The following GRIN2C variants were observed in gnomAD, a reference collection of about 807,000 sequenced individuals.
GRIN2C encodes the protein glutamate receptor ionotropic, NMDA 2C.
GRIN2C carries 64 observed loss-of-function variants against 77.7 expected under a neutral mutation model. The observed-to-expected ratio is 0.82, with a 90% CI of 0.67 to 1.01. The LOEUF (loss-of-function observed/expected upper bound fraction) is 1.01, where lower values mean the gene tolerates loss of function less well. Ranked by LOEUF, GRIN2C falls within the 50% of genes least tolerant of loss-of-function variation. GRIN2C has a pLI of 0.00. For synonymous variants in GRIN2C, 792 were observed against 643.4 expected, an observed-to-expected ratio of 1.23 and a Z score of -3.49; for missense variants, 1,549 against 1,486.0, an observed-to-expected ratio of 1.04 and a Z score of -0.70.
In GRIN2C at chr17:74,842,386, A is replaced by T. The variant is rs1320968789; in HGVS notation, c.*49T>A. 3 of 739,542 alleles carry T rather than the reference A, an allele frequency of 4.1e-6. No individual in the cohort carries two copies. The South Asian group carries it at 4.3e-5, about 11-fold the overall frequency. The allele number at this position is 739,542 out of a possible 1,614,324, so 45.8% of individuals were successfully genotyped here. On this transcript the variant is annotated 3_prime_UTR_variant, in exon 13 of 13. Transcript: ENST00000293190. The stretch of plus-strand genomic sequence containing the variant: ...ATCCTGCCTGCCGCTTAACCCTGAC[A>T]GTGGCAGGCAGAGAATCCAGCTGGC...
rs2037562167 is a variant in GRIN2C, at chr17:74,849,441, T to C, written c.1645+339A>G. On this transcript the variant is annotated intron_variant, in intron 7 of 12. Transcript: ENST00000293190. This position sits in a 1 kb window ranked among gnomAD's most constrained non-coding sequence, Gnocchi z 4.6. ...CCTCTTCGCACACTACACTCGCTCC[T>C]CAACTCCCCACGGGCCTCCCCCACT... 6.6e-6 allele frequency among the ~76,000 whole-genome samples: 1 copy of C among 152,032 alleles called. No individual in the cohort carries two copies. The highest frequency in any genetic ancestry group is 1.5e-5 in the Non-Finnish European group (1 of 67,982).
rs907468077 is a variant in GRIN2C at position 74,846,649 on chromosome 17, C to T, written c.2162+111G>A. ...GCCCCAAGACCTCTTCCCTCCACCC[C>T]ACAGGAGTCCTGCAGGACAGCCCAG... is the stretch of plus-strand genomic sequence containing the variant. On this transcript the variant is annotated intron_variant, in intron 10 of 12. Transcript: ENST00000293190. This position sits in a 1 kb window ranked among gnomAD's most constrained non-coding sequence, Gnocchi z 4.4. The T allele has an allele frequency of 3.9e-5, 46 of 1,184,134 alleles. No individual in the cohort carries two copies. The highest frequency in any genetic ancestry group is 2.9e-5 in the Non-Finnish European group (24 of 839,032). 73.4% of individuals were successfully genotyped at this position (1,184,134 alleles called of 1,614,324 possible).
chr17:74,846,016 C>T lies in GRIN2C; in HGVS notation c.2350+50G>A. ...TGAGTGGTGGTGGAAATGCTGACAA[C>T]CTTGGGCTCCACAGCCCACCCTGGG... On this transcript the variant is annotated intron_variant, in intron 11 of 12. Coordinates refer to ENST00000293190, the MANE Select transcript of GRIN2C (RefSeq NM_000835.6). This position sits in a 1 kb window ranked among gnomAD's most constrained non-coding sequence, Gnocchi z 4.4. The T allele has an allele frequency of 6.5e-7, 1 of 1,535,724 alleles. No homozygotes were observed. The highest frequency in any genetic ancestry group is 1.1e-5 in the South Asian group (1 of 88,908).
intron 3 of GRIN2C, 37 bp downstream of exon 3, chr17:74,851,976 C>G: frequency 6.9e-7 from 1 of 1,444,450 alleles, no homozygotes; most frequent in African/African-American, 1.4e-5. Context: ...GAAGCGCTCC[C>G]CACCTCCCTA....
Position 74,852,061 on chromosome 17 carries a change from C to T in GRIN2C, c.950G>A (p.Cys317Tyr). ...GCTGACGGGCCCAGGGTGAACACGG[C>T]AGTCCCCGGCCGGGGCTGGCAGGGT... ...HGTLPAPAGDCRVHPGPVSPA... is the reference protein window; with the variant it reads ...HGTLPAPAGDYRVHPGPVSPA... The change falls in exon 3 of 13, where the codon TGC becomes TAC. Residue 317 changes from cysteine (C) to tyrosine (Y), a missense_variant. Physicochemically the swap from Cys to Tyr is radical, Grantham distance 194. Transcript: ENST00000293190. The T allele has an allele frequency of 6.9e-7, 1 of 1,459,732 alleles. No individual in the cohort carries two copies. The highest frequency in any genetic ancestry group is 9.0e-7 in the Non-Finnish European group (1 of 1,105,034). 90.4% of individuals were successfully genotyped at this position (1,459,732 alleles called of 1,614,324 possible). A position where few individuals can be genotyped will look rare whatever the true frequency, so the allele number is the denominator to read the frequency against.
In GRIN2C at chr17:74,849,050, A is replaced by G. The variant is rs1260131187; in HGVS notation, c.1645+730T>C. Among the ~76,000 whole-genome samples the G allele has an allele frequency of 1.7e-4, 23 of 137,436 alleles. No individual in the cohort carries two copies. Among genetic ancestry groups the G allele is most frequent in the Non-Finnish European group, 1.1e-4 (7 of 63,514 alleles). 90.2% of individuals were successfully genotyped at this position (137,436 alleles called of 152,430 possible). A position where few individuals can be genotyped will look rare whatever the true frequency, so the allele number is the denominator to read the frequency against. ...AAAAGGAAGGAAAGAAGAAAGGAAG[A>G]GTGGGAAGGAGAGAGGGAGGGAGGG... On this transcript the variant is annotated intron_variant, in intron 7 of 12. Coordinates refer to ENST00000293190, the MANE Select transcript of GRIN2C (RefSeq NM_000835.6). The surrounding 1 kb of genome is among the most constrained non-coding windows in gnomAD (Gnocchi z 4.6).
In GRIN2C at chr17:74,850,409, G is replaced by GT. The variant is rs769278213; in HGVS notation, c.1326-39dup. 1.2e-6 allele frequency: 2 copies of GT among 1,601,010 alleles called. No individual in the cohort carries two copies. Among genetic ancestry groups the GT allele is most frequent in the East Asian group, 2.2e-5 (1 of 44,850 alleles). ...CGCCATGAGACCACCGGGAGTCAGAGTATGTCGTGGCCCAGCCCCGCCCCA... is the reference window on the plus strand; with the variant it reads ...CGCCATGAGACCACCGGGAGTCAGAGTTATGTCGTGGCCCAGCCCCGCCCCA... On this transcript the variant is annotated intron_variant, in intron 5 of 12. Coordinates refer to ENST00000293190, the MANE Select transcript of GRIN2C (RefSeq NM_000835.6). This position sits in a 1 kb window ranked among gnomAD's most constrained non-coding sequence, Gnocchi z 5.3.
Position 74,847,647 on chromosome 17 carries a change from G to A in GRIN2C, c.1772-110C>T, listed in dbSNP as rs2037504531. ...TCCGGTCTCAGCCTGGCCTTGGGGGGGACGCGTCCTGGCCATTCCCTCGCC... is the reference window on the plus strand; with the variant it reads ...TCCGGTCTCAGCCTGGCCTTGGGGGAGACGCGTCCTGGCCATTCCCTCGCC... On this transcript the variant is annotated intron_variant, in intron 8 of 12. Transcript: ENST00000293190. The surrounding 1 kb of genome is among the most constrained non-coding windows in gnomAD (Gnocchi z 5.2). The A allele has an allele frequency of 3.2e-6, 3 of 930,074 alleles. No homozygotes were observed. The highest frequency in any genetic ancestry group is 1.6e-5 in the African/African-American group (1 of 61,094). 57.6% of individuals were successfully genotyped at this position (930,074 alleles called of 1,614,324 possible). A position where few individuals can be genotyped will look rare whatever the true frequency, so the allele number is the denominator to read the frequency against.
upstream of GRIN2C, chr17:74,861,304 C>T (rs929025026): frequency 6.6e-6 from 1 of 152,306 alleles, no homozygotes; most frequent in Non-Finnish European, 1.5e-5. Context: ...CCCGAGAGTC[C>T]TGCGTGGGTC....
In GRIN2C at chr17:74,847,458, G is replaced by T. The variant is rs371114769; in HGVS notation, c.1851C>A (p.Ile617=). The change falls in exon 9 of 13, where the codon ATC becomes ATA. Residue 617 remains isoleucine (I), a synonymous_variant. Coordinates refer to ENST00000293190, the MANE Select transcript of GRIN2C (RefSeq NM_000835.6). This position sits in a 1 kb window ranked among gnomAD's most constrained non-coding sequence, Gnocchi z 5.2. ...TGCTGGTGGTGCCCCGCGGGTTCTC[G>T]ATGGGCACTGAGTTGTTGAAGACCA... ...WALVFNNSVP[I]ENPRGTTSKI... 6.2e-7 allele frequency: 1 copy of T among 1,614,026 alleles called. No individual in the cohort carries two copies. Among genetic ancestry groups the T allele is most frequent in the East Asian group, 2.2e-5 (1 of 44,878 alleles).
chr17:74,844,679 C>T (rs879611928), intron 11 of GRIN2C, among the ~76,000 whole-genome samples, 171 bp from the exon 12 acceptor site: 6 of 151,900 alleles, frequency 3.9e-5, no homozygotes, highest in Non-Finnish European at 7.4e-5. Context: ...GATGGTGGGG[C>T]GGGGAGTGGA....
chr17:74,851,056 T>C, intron 4 of GRIN2C: 1 of 505,774 alleles, frequency 2.0e-6, no homozygotes, highest in Non-Finnish European at 3.6e-6. Flanking sequence ...AGGCCCTTCA[T>C]GCTCCAAACC....
At position 74,852,564 on chromosome 17, in the gene GRIN2C, C is replaced by T; in HGVS notation, c.447G>A (p.Gln149=). Residue 149 remains glutamine, a synonymous_variant, in exon 3 of 13, where the codon CAG becomes CAA. Transcript: ENST00000293190. ...FLQLGVSLEQ[Q]LQVLFKVLEE... is the part of the protein sequence containing the mutation. ...CCAGCACCTTGAACAGCACCTGCAG[C>T]TGCTGCTCCAGGGACACGCCCAGCT... is the stretch of plus-strand genomic sequence containing the variant. 1.3e-6 allele frequency: 2 copies of T among 1,503,944 alleles called. No homozygotes were observed. 93.2% of individuals were successfully genotyped at this position (1,503,944 alleles called of 1,614,324 possible). A position where few individuals can be genotyped will look rare whatever the true frequency, so the allele number is the denominator to read the frequency against.
intron 11 of GRIN2C, among the ~76,000 whole-genome samples, chr17:74,844,831 T>C (rs1342088556): frequency 2.6e-5 from 4 of 152,178 alleles, no homozygotes; most frequent in Non-Finnish European, 5.9e-5. Context: ...CCTCTTCATA[T>C]ACTTATTAAC....
At chr17:74,851,159 G>A (rs1378187878) in intron 4 of GRIN2C, 1 of 315,266 alleles carries the variant, frequency 3.2e-6, no homozygotes, top group African/African-American at 2.1e-5. Context: ...CCATCTTCTG[G>A]GACCTCTTTC....
Position 74,851,000 on chromosome 17 carries a change from A to C in GRIN2C, c.1114-233T>G. ...GACCTGACCCTGTCTCACTCACTGT[A>C]CTGGTCCCCCCTGACTTTGACAGAA... On this transcript the variant is annotated intron_variant, in intron 4 of 12. Transcript: ENST00000293190. This position sits in a 1 kb window ranked among gnomAD's most constrained non-coding sequence, Gnocchi z 5.3. The C allele has an allele frequency of 3.4e-6, 2 of 585,246 alleles. No individual in the cohort carries two copies. Among genetic ancestry groups the C allele is most frequent in the Non-Finnish European group, 6.1e-6 (2 of 327,030 alleles). The allele number at this position is 585,246 out of a possible 1,614,324, so 36.3% of individuals were successfully genotyped here.
upstream of GRIN2C, chr17:74,860,926 G>A (rs1445984490): frequency 1.9e-5 from 4 of 205,828 alleles, no homozygotes; most frequent in East Asian, 6.7e-4. Context: ...CTGGGCTGGG[G>A]AGCCGCACAG....
intron 11 of GRIN2C, 49 bp from the exon 12 acceptor site, chr17:74,844,557 C>T (rs1315724478): frequency 6.3e-7 from 1 of 1,588,498 alleles, no homozygotes; most frequent in Admixed American, 1.7e-5. Flanking sequence ...CCCCTATAAG[C>T]AACCCCCTCA....
intron 2 of GRIN2C, 78 bp from the exon 3 acceptor site, chr17:74,852,689 A>G (rs116833065): frequency 0.3 from 176,469 of 597,448 alleles, 25,343 homozygotes; most frequent in East Asian, 0.45. Flanking sequence ...CGGCCCCTCC[A>G]TCAGCTCCCA....
Sources: gnomAD v4.1 joint callset for allele counts (sites outside exome capture counted in the v4.1 genomes callset) on GRCh38, gnomAD v4.1.1 for gene constraint, Gnocchi (gnomAD v3.1) non-coding constraint, MANE v1.5 for transcripts, NCBI Gene and HGNC (gene_info 2026-07-23, HGNC 2026-07-21) for gene names.